The following DENND5A variants were observed in gnomAD, a reference collection of about 807,000 sequenced individuals.
The protein encoded by DENND5A is DENN domain containing 5A, also known as DENN domain-containing protein 5A.
Under a neutral mutation model 140.3 loss-of-function variants are expected in DENND5A, and 64 were observed. That is an observed-to-expected ratio of 0.46 (90% confidence interval 0.37 to 0.56). The LOEUF (loss-of-function observed/expected upper bound fraction) is 0.56. Ranked by LOEUF, DENND5A falls within the 20% of genes least tolerant of loss-of-function variation. DENND5A has a pLI of 0.00. For synonymous variants in DENND5A, 605 were observed against 607.7 expected, an observed-to-expected ratio of 1.00 and a Z score of 0.07; for missense variants, 1,292 against 1,593.8, an observed-to-expected ratio of 0.81 and a Z score of 3.22.
chr11:9,207,252 G>A (rs756878146), intron 2 of DENND5A: 9 of 479,728 alleles, frequency 1.9e-5, no homozygotes, highest in African/African-American at 6.0e-5. Flanking sequence ...GAACATTAAC[G>A]AAGCAGATTT....
At chr11:9,190,713 C>T (rs1029617278) in intron 5 of DENND5A, among the ~76,000 whole-genome samples, 3 of 152,142 alleles carry the variant, frequency 2.0e-5, no homozygotes, top group Non-Finnish European at 4.4e-5. Flanking sequence ...AAAGATACCA[C>T]ATACTTTAAA....
At position 9,140,123 on chromosome 11, in the gene DENND5A, C is replaced by T. The variant is rs1847188541; in HGVS notation, c.3681-269G>A. 4 of 1,432,546 alleles carry T rather than the reference C, an allele frequency of 2.8e-6. No individual in the cohort carries two copies. In the African/African-American group the frequency reaches 5.6e-5, roughly 20 times the overall value. The allele number at this position is 1,432,546 out of a possible 1,614,324, so 88.7% of individuals were successfully genotyped here. A position where few individuals can be genotyped will look rare whatever the true frequency, so the allele number is the denominator to read the frequency against. On this transcript the variant is annotated intron_variant, in intron 22 of 22. Transcript: ENST00000328194. ...TCGCCCTGCCTAGTCAGCCCCACCA[C>T]TGGTGTCTCCCAGAGCTTCTCTCCT...
At chr11:9,217,676 T>C (rs1015198601) in intron 1 of DENND5A, among the ~76,000 whole-genome samples, 4 of 152,196 alleles carry the variant, frequency 2.6e-5, no homozygotes, top group Non-Finnish European at 5.9e-5. Flanking sequence ...ATGGTAACGA[T>C]TGCACAACTC....
intron 4 of DENND5A, among the ~76,000 whole-genome samples, chr11:9,198,609 C>CA (rs539954795): frequency 1.5e-3 from 198 of 132,010 alleles, no homozygotes; most frequent in Admixed American, 4.2e-3. Context: ...GACTCCACCT[C>CA]AAAAAAAAAA....
chr11:9,240,869 A>C (rs1851207053), intron 1 of DENND5A, among the ~76,000 whole-genome samples: 1 of 152,198 alleles, frequency 6.6e-6, no homozygotes, highest in Non-Finnish European at 1.5e-5. Context: ...CAAAACCTCA[A>C]GTAGAAACAA....
At chr11:9,236,396 G>A (rs1043941577) in intron 1 of DENND5A, among the ~76,000 whole-genome samples, 1 of 150,748 alleles carries the variant, frequency 6.6e-6, no homozygotes, top group African/African-American at 2.4e-5. Context: ...ACTGGGCATG[G>A]TGACGGGCAC....
At chr11:9,166,082 TTTTTC>T (rs1361866447) in intron 10 of DENND5A, 115 bp from the exon 11 acceptor site, 149 of 975,438 alleles carry the variant, frequency 1.5e-4, no homozygotes, top group South Asian at 2.4e-4. Flanking sequence ...TTTTTTTTTC[TTTTTC>T]TTTTTTTTTT....
chr11:9,214,145 T>C (rs1036213986), intron 1 of DENND5A, among the ~76,000 whole-genome samples: 5 of 152,214 alleles, frequency 3.3e-5, no homozygotes, highest in African/African-American at 7.2e-5. Flanking sequence ...TCTTTCCTGT[T>C]ATAAACACTT....
chr11:9,166,332 C>T (rs1046630468), intron 10 of DENND5A, among the ~76,000 whole-genome samples: 3 of 152,142 alleles, frequency 2.0e-5, no homozygotes, highest in South Asian at 4.1e-4. Context: ...CTGCCTCAGT[C>T]TCCCAAAGTA....
chr11:9,163,130 C>A (rs1316938256), intron 11 of DENND5A, among the ~76,000 whole-genome samples: 1 of 152,172 alleles, frequency 6.6e-6, no homozygotes, highest in Non-Finnish European at 1.5e-5. Context: ...CTTATTAATT[C>A]TCTTACTGAT....
chr11:9,247,442 C>T (rs1002342321), intron 1 of DENND5A, among the ~76,000 whole-genome samples: 1 of 151,868 alleles, frequency 6.6e-6, no homozygotes, highest in Non-Finnish European at 1.5e-5. Context: ...GTTTATAATA[C>T]AGCTCTATAA....
At position 9,139,403 on chromosome 11, in the gene DENND5A, C is replaced by T. The variant is rs1270023525; in HGVS notation, c.*268G>A. ...GCCTCAGGCTTCCAGCATGTGGCCA[C>T]GGCGAGGGAGGGCACCAGCTTCAAA... On this transcript the variant is annotated 3_prime_UTR_variant, in exon 23 of 23. Coordinates refer to ENST00000328194, the MANE Select transcript of DENND5A (RefSeq NM_015213.4). 9 of 434,306 alleles carry T rather than the reference C, an allele frequency of 2.1e-5. No individual in the cohort carries two copies. Among genetic ancestry groups the T allele is most frequent in the African/African-American group, 9.9e-5 (5 of 50,524 alleles). 26.9% of individuals were successfully genotyped at this position (434,306 alleles called of 1,614,324 possible). A position where few individuals can be genotyped will look rare whatever the true frequency, so the allele number is the denominator to read the frequency against.
At chr11:9,230,696 G>A (rs1388149076) in intron 1 of DENND5A, among the ~76,000 whole-genome samples, 1 of 152,048 alleles carries the variant, frequency 6.6e-6, no homozygotes, top group Non-Finnish European at 1.5e-5. Flanking sequence ...TATAACATGA[G>A]GAGAACAATA....
At chr11:9,211,924 C>T (rs1324735301) in intron 1 of DENND5A, among the ~76,000 whole-genome samples, 3 of 120,202 alleles carry the variant, frequency 2.5e-5, no homozygotes, top group South Asian at 6.2e-4. Context: ...AGCAAGACTC[C>T]GTCTCAAAAA....
chr11:9,229,756 C>T (rs771077780), intron 1 of DENND5A, among the ~76,000 whole-genome samples: 4 of 152,096 alleles, frequency 2.6e-5, no homozygotes, highest in Non-Finnish European at 5.9e-5. Context: ...CCCCCTGCCC[C>T]ACCCAGTCTA....
At chr11:9,144,059 C>T (rs1847335951) in intron 19 of DENND5A, 38 bp downstream of exon 19, 2 of 1,596,688 alleles carry the variant, frequency 1.3e-6, no homozygotes, top group Middle Eastern at 1.7e-4. Flanking sequence ...ATTCCCTAGA[C>T]TGTATGGCAT....
chr11:9,157,056 T>G (rs573528866), intron 12 of DENND5A, among the ~76,000 whole-genome samples: 1 of 152,204 alleles, frequency 6.6e-6, no homozygotes, highest in Non-Finnish European at 1.5e-5. Flanking sequence ...ACTAACTCCC[T>G]AGAAATTTTT....
chr11:9,209,836 T>C (rs1257362294), intron 1 of DENND5A, among the ~76,000 whole-genome samples: 1 of 152,174 alleles, frequency 6.6e-6, no homozygotes, highest in East Asian at 1.9e-4. Context: ...CTGGGCACGG[T>C]GGCTCATACC....
At chr11:9,210,592 G>A (rs1211543876) in intron 1 of DENND5A, among the ~76,000 whole-genome samples, 2 of 152,294 alleles carry the variant, frequency 1.3e-5, no homozygotes, top group Middle Eastern at 3.4e-3. Context: ...TGCCCAGGCT[G>A]GGGTGCAGTG....
Sources: allele counts gnomAD v4.1 joint callset (sites outside exome capture counted in the v4.1 genomes callset), GRCh38; gene constraint gnomAD v4.1.1; transcripts MANE v1.5; gene names NCBI Gene and HGNC (gene_info 2026-07-23, HGNC 2026-07-21).